Variants in CCDC85A observed in about 807,000 individuals in gnomAD.
CCDC85A encodes the protein coiled-coil domain containing 85A, also known as coiled-coil domain-containing protein 85A.
A neutral mutation model predicts 50.2 loss-of-function variants in CCDC85A; 38 were observed. That is an observed-to-expected ratio of 0.76 (90% confidence interval 0.58 to 0.99). The LOEUF is 0.99. Among genes scored for constraint, CCDC85A ranks in the 50% least tolerant of loss-of-function variants. CCDC85A has a pLI of 0.00. For synonymous variants in CCDC85A, 366 were observed against 301.4 expected (o/e 1.21, Z -2.22); for missense variants, 820 against 742.0 (o/e 1.11, Z -1.22).
intron 2 of CCDC85A, among the ~76,000 whole-genome samples, chr2:56,291,693 G>T (rs570093385): frequency 6.6e-6 from 1 of 151,790 alleles, no homozygotes; most frequent in East Asian, 1.9e-4. Flanking sequence ...AGCATGAAAG[G>T]TTGGAAATGT....
chr2:56,361,271 T>C (rs111567162), intron 3 of CCDC85A, among the ~76,000 whole-genome samples: 1 of 140,012 alleles, frequency 7.1e-6, no homozygotes, highest in African/African-American at 2.5e-5. Flanking sequence ...AAAAAAAAAA[T>C]AGGGAATAGA....
chr2:56,357,466 T>A (rs1347401658), intron 3 of CCDC85A, among the ~76,000 whole-genome samples: 3 of 152,234 alleles, frequency 2.0e-5, no homozygotes, highest in Non-Finnish European at 4.4e-5. Context: ...TATTCAGTGT[T>A]TTTATCACTT....
At chr2:56,369,650 C>T (rs1478006175) in intron 3 of CCDC85A, among the ~76,000 whole-genome samples, 1 of 152,108 alleles carries the variant, frequency 6.6e-6, no homozygotes, top group Non-Finnish European at 1.5e-5. Flanking sequence ...AGGTTTCCAA[C>T]AAATAGTTCT....
chr2:56,217,207 A>G (rs1264249226), intron 2 of CCDC85A, among the ~76,000 whole-genome samples: 1 of 151,890 alleles, frequency 6.6e-6, no homozygotes, highest in Non-Finnish European at 1.5e-5. Flanking sequence ...ATTGCTACCA[A>G]ATGATCACAG....
chr2:56,275,557 T>C (rs1344571797), intron 2 of CCDC85A, among the ~76,000 whole-genome samples: 1 of 152,224 alleles, frequency 6.6e-6, no homozygotes, highest in East Asian at 1.9e-4. Context: ...TTTGTCCACA[T>C]TCTGTATTTA....
At chr2:56,190,246 TTAGG>T (rs1676241139) in intron 1 of CCDC85A, among the ~76,000 whole-genome samples, 1 of 152,206 alleles carries the variant, frequency 6.6e-6, no homozygotes, top group Non-Finnish European at 1.5e-5. Flanking sequence ...CAGTGAAATC[TTAGG>T]TAGCAGCCCT....
chr2:56,249,935 A>G (rs1256552287), intron 2 of CCDC85A, among the ~76,000 whole-genome samples: 1 of 152,182 alleles, frequency 6.6e-6, no homozygotes, highest in Non-Finnish European at 1.5e-5. Flanking sequence ...CCATAGCTAT[A>G]TTTAAATGGC....
chr2:56,233,907 C>G (rs1668885101), intron 2 of CCDC85A, among the ~76,000 whole-genome samples: 1 of 152,082 alleles, frequency 6.6e-6, no homozygotes, highest in African/African-American at 2.4e-5. Context: ...AAGATGTTCC[C>G]TAATTTCTGT....
rs778121694 is a variant in CCDC85A at position 56,375,930 on chromosome 2, C to G, written c.1567C>G (p.Leu523Val). ...SQQPEPVVHS[L>V]KVVWRKLGDA... ...GCAGCCTGAACCTGTGGTACATTCT[C>G]TTAAGGTAACCAATCGTGTGCAACC... The change falls in exon 5 of 6, where the codon CTT (leucine) becomes GTT (valine). Residue 523 changes from leucine (L) to valine (V), a missense_variant. By Grantham distance (32) the Leu-to-Val change is conservative. Coordinates refer to ENST00000407595, the MANE Select transcript of CCDC85A (RefSeq NM_001080433.2). 2 of 1,612,648 alleles carry G rather than the reference C, an allele frequency of 1.2e-6. No homozygotes were observed. Among genetic ancestry groups the G allele is most frequent in the Admixed American group, 3.3e-5 (2 of 59,764 alleles).
intron 2 of CCDC85A, among the ~76,000 whole-genome samples, chr2:56,248,002 C>T (rs1669585700): frequency 2.0e-5 from 3 of 152,116 alleles, no homozygotes; most frequent in African/African-American, 7.2e-5. Flanking sequence ...TGTCAGGGGC[C>T]CCATGCTTTA....
intron 2 of CCDC85A, among the ~76,000 whole-genome samples, chr2:56,222,213 G>C (rs1273109818): frequency 6.6e-6 from 1 of 152,026 alleles, no homozygotes; most frequent in Non-Finnish European, 1.5e-5. Flanking sequence ...GATGCATTTT[G>C]CATTGGTTTA....
At chr2:56,328,261 G>A (rs114033397) in intron 2 of CCDC85A, among the ~76,000 whole-genome samples, 2,192 of 152,270 alleles carry the variant, frequency 0.014, 24 homozygotes, top group Admixed American at 0.022. Flanking sequence ...AGGTAAGAGT[G>A]AAGGATAGAG....
intron 2 of CCDC85A, among the ~76,000 whole-genome samples, chr2:56,333,448 A>G (rs1673913290): frequency 6.6e-6 from 1 of 152,212 alleles, no homozygotes. Context: ...GAAGTCAGAG[A>G]GAAAACAGTC....
chr2:56,279,373 A>C (rs1010818123), intron 2 of CCDC85A, among the ~76,000 whole-genome samples: 2 of 152,072 alleles, frequency 1.3e-5, no homozygotes, highest in African/African-American at 4.8e-5. Context: ...ACATATTCAT[A>C]ACCCCCCAAA....
At chr2:56,332,220 T>A (rs888080266) in intron 2 of CCDC85A, among the ~76,000 whole-genome samples, 1 of 152,230 alleles carries the variant, frequency 6.6e-6, no homozygotes, top group Admixed American at 6.5e-5. Flanking sequence ...TAGTCCATAT[T>A]GTGTAGACCC....
At chr2:56,362,802 T>C (rs926558094) in intron 3 of CCDC85A, among the ~76,000 whole-genome samples, 5 of 152,018 alleles carry the variant, frequency 3.3e-5, no homozygotes, top group Non-Finnish European at 5.9e-5. Flanking sequence ...GTATTTTTTT[T>C]TAGTGGAGAC....
At chr2:56,215,706 C>T (rs1272638431) in intron 2 of CCDC85A, among the ~76,000 whole-genome samples, 2 of 151,250 alleles carry the variant, frequency 1.3e-5, no homozygotes, top group Non-Finnish European at 3.0e-5. Context: ...TTAAAATAAC[C>T]CAATCTTGTG....
intron 2 of CCDC85A, among the ~76,000 whole-genome samples, chr2:56,326,819 A>G (rs892590257): frequency 1.8e-4 from 28 of 151,782 alleles, no homozygotes; most frequent in African/African-American, 6.8e-4. Flanking sequence ...ATTCCTTTAC[A>G]CTAGGATTAA....
chr2:56,257,367 C>G (rs1222830851), intron 2 of CCDC85A, among the ~76,000 whole-genome samples: 1 of 151,996 alleles, frequency 6.6e-6, no homozygotes, highest in Non-Finnish European at 1.5e-5. Context: ...CTTTCATGAA[C>G]AAGATAGTAT....
Sources: gnomAD v4.1 joint callset for allele counts (sites outside exome capture counted in the v4.1 genomes callset) on GRCh38, gnomAD v4.1.1 for gene constraint, MANE v1.5 for transcripts, NCBI Gene and HGNC (gene_info 2026-07-23, HGNC 2026-07-21) for gene names.